The following TMEM74 variants were observed in gnomAD, a reference collection of about 807,000 sequenced individuals.
The protein encoded by TMEM74 is transmembrane protein 74.
Under a neutral mutation model 18.1 loss-of-function variants are expected in TMEM74, and 13 were observed. That is an observed-to-expected ratio of 0.72 (90% CI 0.47 to 1.14). The LOEUF is 1.14. Among genes scored for constraint, TMEM74 ranks in the 50% most tolerant of loss-of-function variants. The pLI, the probability that TMEM74 is intolerant of heterozygous loss-of-function variation, is 0.00. For missense variants in TMEM74, 372 were observed against 375.9 expected (o/e 0.99, Z 0.09); for synonymous variants, 159 against 146.6 (o/e 1.08, Z -0.61).
Position 108,784,320 on chromosome 8 carries a change from T to A in TMEM74, c.779A>T (p.Tyr260Phe), listed in dbSNP as rs537298384. 6.2e-7 allele frequency: 1 copy of A among 1,614,104 alleles called. No individual in the cohort carries two copies. Among genetic ancestry groups the A allele is most frequent in the Non-Finnish European group, 8.5e-7 (1 of 1,180,028 alleles). The stretch of plus-strand genomic sequence containing the variant: ...GGAAGAGGCAAATCTGTTTCGACGA[T>A]AGAGCTCCCCCTTCCACATGGACAT... ...LMMSMWKGEL[Y>F]RRNRFASSKE... Residue 260 changes from tyrosine to phenylalanine, a missense_variant, in exon 2 of 2, where the codon TAT becomes TTT. By Grantham distance (22) the Tyr-to-Phe change is conservative. Coordinates refer to ENST00000297459, the MANE Select transcript of TMEM74 (RefSeq NM_153015.3).
chr8:108,617,291 AT>A (rs1197306051), intron 2 of TMEM74, among the ~76,000 whole-genome samples: 2 of 152,152 alleles, frequency 1.3e-5, no homozygotes, highest in African/African-American at 4.8e-5. Context: ...AATTTGGAGC[AT>A]AAGTAGTACT....
At chr8:108,666,568 A>G (rs1312567047) in intron 1 of TMEM74, among the ~76,000 whole-genome samples, 1 of 152,164 alleles carries the variant, frequency 6.6e-6, no homozygotes, top group Non-Finnish European at 1.5e-5. Context: ...CGTGTAATCT[A>G]CTACAAGACT....
intron 2 of TMEM74, among the ~76,000 whole-genome samples, chr8:108,649,993 T>C (rs1812757943): frequency 6.6e-6 from 1 of 152,206 alleles, no homozygotes; most frequent in African/African-American, 2.4e-5. Flanking sequence ...GTAGTATCCA[T>C]CCTTCTTTTC....
intron 1 of TMEM74, among the ~76,000 whole-genome samples, chr8:108,665,057 G>T (rs1812935561): frequency 2.0e-5 from 3 of 151,598 alleles, no homozygotes; most frequent in African/African-American, 7.3e-5. Context: ...TCTTGCCAAT[G>T]GTCACATACC....
At chr8:108,689,851 T>G (rs1157706217) in intron 1 of TMEM74, among the ~76,000 whole-genome samples, 3 of 152,130 alleles carry the variant, frequency 2.0e-5, no homozygotes, top group African/African-American at 7.2e-5. Flanking sequence ...CCTGTTGGTG[T>G]TGTTCTTCCC....
intron 1 of TMEM74, among the ~76,000 whole-genome samples, chr8:108,693,809 C>T (rs1406104298): frequency 3.3e-5 from 5 of 152,156 alleles, no homozygotes; most frequent in African/African-American, 1.2e-4. Context: ...AAGAATAATA[C>T]ACGAAGCAGA....
At chr8:108,771,272 G>C (rs1490191181) in intron 1 of TMEM74, among the ~76,000 whole-genome samples, 1 of 152,042 alleles carries the variant, frequency 6.6e-6, no homozygotes, top group African/African-American at 2.4e-5. Flanking sequence ...CAATAAAATG[G>C]AGGTAACAAA....
chr8:108,744,025 G>A (rs1241117450), intron 1 of TMEM74, among the ~76,000 whole-genome samples: 1 of 135,354 alleles, frequency 7.4e-6, no homozygotes, highest in Non-Finnish European at 1.7e-5. Flanking sequence ...AAAAGAAGGA[G>A]GTGGGCAATG....
intron 2 of TMEM74, among the ~76,000 whole-genome samples, chr8:108,646,970 A>C (rs930627467): frequency 6.6e-6 from 1 of 152,152 alleles, no homozygotes; most frequent in Non-Finnish European, 1.5e-5. Flanking sequence ...CTTGTATTAT[A>C]GCTGGCTTTC....
rs373667514 is a variant in TMEM74 at position 108,642,216 on chromosome 8, C to T, written n.264+13077G>A. Among the ~76,000 whole-genome samples the T allele has an allele frequency of 9.2e-5, 14 of 151,916 alleles. 1 individual carries two copies. The highest frequency in any genetic ancestry group is 5.3e-4 in the Admixed American group (8 of 15,232). ...GAGTTTGAGACCAGCCTGGGCAACA[C>T]GGTGAAACCCTGTTTCTATGAAAAT... On this transcript the variant is annotated intron_variant and non_coding_transcript_variant, in intron 2 of 3. Transcript: ENST00000518838.
At position 108,782,048 on chromosome 8, in the gene TMEM74, T is replaced by G. The variant is rs954063596; in HGVS notation, c.*2133A>C. ...CTCAGTTGATCTCATTTAGCTTCTA[T>G]GAATAAACATTAGTTTTTTCTTTAA... On this transcript the variant is annotated 3_prime_UTR_variant, in exon 2 of 2. Transcript: ENST00000297459. 6.6e-6 allele frequency among the ~76,000 whole-genome samples: 1 copy of G among 152,252 alleles called. No individual in the cohort carries two copies. The highest frequency in any genetic ancestry group is 2.1e-4 in the South Asian group (1 of 4,836).
At chr8:108,678,845 C>A (rs2130596724) in intron 1 of TMEM74, among the ~76,000 whole-genome samples, 1 of 150,978 alleles carries the variant, frequency 6.6e-6, no homozygotes, top group Non-Finnish European at 1.5e-5. Context: ...GTGCTGCACC[C>A]ATTAACTCAT....
At chr8:108,755,375 G>T (rs545191607) in intron 1 of TMEM74, among the ~76,000 whole-genome samples, 2 of 152,064 alleles carry the variant, frequency 1.3e-5, no homozygotes, top group Admixed American at 1.3e-4. Context: ...GATAATAAAT[G>T]TATATCGCTT....
rs114334409 is a variant in TMEM74 at position 108,694,593 on chromosome 8, C to G, written n.120-39156G>C. On this transcript the variant is annotated intron_variant and non_coding_transcript_variant, in intron 1 of 3. Coordinates refer to the TMEM74 transcript ENST00000518838. ...ACCTTATTCATCTGTCTCCTCAGCT[C>G]TCAGTATACAGTTCCTGACACAGAA... 7.5e-3 allele frequency among the ~76,000 whole-genome samples: 1,146 copies of G among 152,298 alleles called. 17 individuals are homozygous for G. The highest frequency in any genetic ancestry group is 0.026 in the African/African-American group (1,086 of 41,566).
At chr8:108,678,952 G>C (rs189828329) in intron 1 of TMEM74, among the ~76,000 whole-genome samples, 8 of 133,042 alleles carry the variant, frequency 6.0e-5, no homozygotes, top group Non-Finnish European at 3.0e-5. Context: ...CTGCGTCCAT[G>C]TGTTCTCATT....
At chr8:108,682,513 A>G (rs991944750) in intron 1 of TMEM74, among the ~76,000 whole-genome samples, 2 of 152,124 alleles carry the variant, frequency 1.3e-5, no homozygotes, top group Non-Finnish European at 2.9e-5. Context: ...CTATGATGGT[A>G]GCAACCATGT....
intron 1 of TMEM74, among the ~76,000 whole-genome samples, chr8:108,739,570 A>C (rs1157936532): frequency 6.6e-6 from 1 of 152,180 alleles, no homozygotes; most frequent in Non-Finnish European, 1.5e-5. Context: ...CTCCAAAACT[A>C]AGTAGTTCAA....
chr8:108,658,503 G>A (rs116268839), intron 1 of TMEM74, among the ~76,000 whole-genome samples: 4 of 152,258 alleles, frequency 2.6e-5, no homozygotes, highest in African/African-American at 9.6e-5. Context: ...ACCCAATTTA[G>A]AAGAAAATAA....
At chr8:108,715,655 G>A (rs1475306683) in intron 1 of TMEM74, among the ~76,000 whole-genome samples, 7 of 152,098 alleles carry the variant, frequency 4.6e-5, no homozygotes, top group African/African-American at 1.7e-4. Context: ...AAAAGCGAAT[G>A]CACACTTTCT....
Sources: allele counts gnomAD v4.1 joint callset (sites outside exome capture counted in the v4.1 genomes callset), GRCh38; gene constraint gnomAD v4.1.1; transcripts MANE v1.5; gene names NCBI Gene and HGNC (gene_info 2026-07-23, HGNC 2026-07-21).